The following NUP210L variants were observed in gnomAD, a reference collection of about 807,000 sequenced individuals.
NUP210L encodes the protein nucleoporin 210 like.
In NUP210L, 74 loss-of-function variants were observed where a neutral mutation model predicts 208.5. The observed-to-expected ratio is 0.35, with a 90% CI of 0.29 to 0.43. The LOEUF is 0.43. Among genes scored for constraint, NUP210L ranks in the 20% least tolerant of loss-of-function variants. The probability of loss-of-function intolerance (pLI) is 1.00; values close to 1 mark genes in which losing one functional copy is unlikely to be tolerated. For missense variants in NUP210L, 1,843 were observed against 2,289.4 expected (o/e 0.81, Z 3.98); for synonymous variants, 780 against 816.9 (o/e 0.95, Z 0.77).
intron 29 of NUP210L, among the ~76,000 whole-genome samples, chr1:154,027,093 A>C (rs950117082): frequency 4.2e-5 from 6 of 143,636 alleles, no homozygotes; most frequent in East Asian, 2.4e-4. Flanking sequence ...AAAAAAAAAA[A>C]AAACAAAAAA....
chr1:154,109,806 A>G (rs1289342187), intron 12 of NUP210L, among the ~76,000 whole-genome samples: 1 of 151,676 alleles, frequency 6.6e-6, no homozygotes, highest in Non-Finnish European at 1.5e-5. Flanking sequence ...TGACCAGCAT[A>G]TCAATGAAGA....
At chr1:154,015,699 A>G (rs1651197105) in intron 33 of NUP210L, among the ~76,000 whole-genome samples, 1 of 149,904 alleles carries the variant, frequency 6.7e-6, no homozygotes, top group East Asian at 2.0e-4. Flanking sequence ...CAGCTTGGGC[A>G]ACAGAGTGAG....
intron 2 of NUP210L, among the ~76,000 whole-genome samples, chr1:154,147,264 T>C (rs991658045): frequency 6.6e-6 from 1 of 152,188 alleles, no homozygotes; most frequent in African/African-American, 2.4e-5. Flanking sequence ...ATGTGGGTTT[T>C]TTCCCTGAAA....
At chr1:154,066,630 C>CA (rs575282174) in intron 17 of NUP210L, among the ~76,000 whole-genome samples, 35 of 151,934 alleles carry the variant, frequency 2.3e-4, no homozygotes, top group Non-Finnish European at 4.4e-4. Context: ...AACAAACAAA[C>CA]AAAAAATCAA....
chr1:154,083,127 G>A (rs1268590874), intron 16 of NUP210L, among the ~76,000 whole-genome samples: 2 of 152,300 alleles, frequency 1.3e-5, no homozygotes, highest in East Asian at 3.9e-4. Context: ...CAACCGAGCA[G>A]GTTGCCACTG....
intron 16 of NUP210L, among the ~76,000 whole-genome samples, chr1:154,071,393 C>T (rs2148013495): frequency 6.6e-6 from 1 of 151,898 alleles, no homozygotes; most frequent in East Asian, 1.9e-4. Context: ...GCACTCATCA[C>T]CCAAGAAGTA....
intron 15 of NUP210L, among the ~76,000 whole-genome samples, chr1:154,090,742 C>T (rs977181987): frequency 1.3e-5 from 2 of 151,486 alleles, no homozygotes; most frequent in East Asian, 1.9e-4. Flanking sequence ...ACCCGGGAGG[C>T]GGAGGTTGCA....
intron 37 of NUP210L, among the ~76,000 whole-genome samples, chr1:153,999,287 C>T (rs1483974385): frequency 6.6e-6 from 1 of 152,146 alleles, no homozygotes; most frequent in East Asian, 1.9e-4. Flanking sequence ...AACACCTTTT[C>T]GTAACTATTC....
At chr1:154,013,300 G>A (rs1651052428) in intron 33 of NUP210L, among the ~76,000 whole-genome samples, 1 of 152,108 alleles carries the variant, frequency 6.6e-6, no homozygotes, top group East Asian at 1.9e-4. Flanking sequence ...GAGGCCAGGT[G>A]CGGTGGCTCA....
intron 29 of NUP210L, 51 bp from the exon 30 acceptor site, chr1:154,025,767 G>T: frequency 6.6e-7 from 1 of 1,507,234 alleles, no homozygotes; most frequent in Non-Finnish European, 9.0e-7. Context: ...TGTCTGACCA[G>T]AGAGAAAAGA....
intron 27 of NUP210L, among the ~76,000 whole-genome samples, chr1:154,044,815 T>C (rs969642264): frequency 2.6e-5 from 4 of 152,158 alleles, no homozygotes; most frequent in African/African-American, 4.8e-5. Context: ...TCAGACCACC[T>C]TGGGTGAGTT....
At chr1:154,075,990 T>C (rs557321093) in intron 16 of NUP210L, among the ~76,000 whole-genome samples, 1 of 151,810 alleles carries the variant, frequency 6.6e-6, no homozygotes, top group African/African-American at 2.4e-5. Context: ...GGTTTTGCCA[T>C]GTCACTCAGG....
At chr1:154,031,932 G>A (rs1351048644) in intron 27 of NUP210L, among the ~76,000 whole-genome samples, 1 of 151,706 alleles carries the variant, frequency 6.6e-6, no homozygotes, top group African/African-American at 2.4e-5. Flanking sequence ...GTCTCACTAT[G>A]TTGCCTAGGT....
At chr1:154,062,624 T>C (rs1315566731) in intron 17 of NUP210L, among the ~76,000 whole-genome samples, 3 of 136,114 alleles carry the variant, frequency 2.2e-5, no homozygotes, top group Non-Finnish European at 4.7e-5. Context: ...GGTCTCACTC[T>C]TCACCCAGGC....
exon 30 of NUP210L, chr1:154,025,701 G>A (rs375255859): frequency 2.2e-5 from 36 of 1,612,844 alleles, no homozygotes; most frequent in East Asian, 2.0e-4. Context: ...GAGAACTCAC[G>A]AAGGCAGCTC....
intron 15 of NUP210L, among the ~76,000 whole-genome samples, 184 bp downstream of exon 15, chr1:154,094,751 G>A (rs1656101126): frequency 6.6e-6 from 1 of 152,150 alleles, no homozygotes; most frequent in Non-Finnish European, 1.5e-5. Context: ...TGAGCAAATT[G>A]AAACCTCTGG....
At chr1:154,065,000 C>T (rs368242173) in intron 17 of NUP210L, among the ~76,000 whole-genome samples, 4 of 151,636 alleles carry the variant, frequency 2.6e-5, no homozygotes, top group Admixed American at 6.6e-5. Flanking sequence ...CGCTTGAAAC[C>T]GGGAGGTAGA....
At chr1:154,124,377 G>C (rs1423076388) in intron 10 of NUP210L, among the ~76,000 whole-genome samples, 10 of 152,164 alleles carry the variant, frequency 6.6e-5, no homozygotes, top group Non-Finnish European at 1.5e-4. Context: ...TGGAGAAAAA[G>C]TAGGTTTGGG....
exon 30 of NUP210L, chr1:154,025,686 A>T: frequency 6.2e-7 from 1 of 1,613,516 alleles, no homozygotes; most frequent in Non-Finnish European, 8.5e-7. Flanking sequence ...AACACTTGAG[A>T]ACACGAGAAC....
Sources: gnomAD v4.1 joint callset for allele counts (sites outside exome capture counted in the v4.1 genomes callset) on GRCh38, gnomAD v4.1.1 for gene constraint, MANE v1.5 for transcripts, NCBI Gene and HGNC (gene_info 2026-07-23, HGNC 2026-07-21) for gene names.